DCHS1: variants seen among roughly 807,000 people sequenced by gnomAD.
The protein encoded by DCHS1 is dachsous cadherin-related 1.
Under a neutral mutation model 213.9 loss-of-function variants are expected in DCHS1, and 78 were observed. The ratio of observed to expected loss-of-function variants is 0.36; its 90% CI spans 0.30 to 0.44. The LOEUF is 0.44. Ranked by LOEUF, DCHS1 falls within the 20% of genes least tolerant of loss-of-function variation. The pLI, the probability that DCHS1 is intolerant of heterozygous loss-of-function variation, is 1.00. For synonymous variants in DCHS1, 1,828 were observed against 1,873.7 expected, an observed-to-expected ratio of 0.98 and a Z score of 0.63; for missense variants, 3,946 against 4,395.9, an observed-to-expected ratio of 0.90 and a Z score of 2.89.
At chr11:6,634,043 G>A in intron 3 of DCHS1, 23 bp from the exon 4 acceptor site, 1 of 1,611,018 alleles carries the variant, frequency 6.2e-7, no homozygotes, top group South Asian at 1.1e-5. Flanking sequence ...GCAGCCATAG[G>A]TCAGGTGGGC....
intron 1 of DCHS1, among the ~76,000 whole-genome samples, chr11:6,645,964 T>C (rs532629686): frequency 6.6e-6 from 1 of 152,096 alleles, no homozygotes; most frequent in African/African-American, 2.4e-5. Context: ...TTCACATATA[T>C]ACACAGAAGC....
chr11:6,622,708 CCA>C lies in DCHS1; in HGVS notation c.8966_8967del (p.Leu2989ArgfsTer6). 6.3e-7 allele frequency: 1 copy of C among 1,592,182 alleles called. No homozygotes were observed. The highest frequency in any genetic ancestry group is 8.6e-7 in the Non-Finnish European group (1 of 1,169,514). ...APLASDSLQK[L>X]GREPPSPPPS... is the part of the protein sequence containing the mutation. ...GGTGGTGGACTAGGTGGCTCCCGGC[CCA>C]GTTTCTGCAGTGAGTCACTGGCTAG... is the stretch of plus-strand genomic sequence containing the variant. On this transcript the variant is annotated frameshift_variant, in exon 21 of 21. Transcript: ENST00000299441. LOFTEE classifies it high-confidence loss of function. The surrounding 1 kb of genome is among the most constrained non-coding windows in gnomAD (Gnocchi z 5.4).
In DCHS1 at chr11:6,622,962, C is replaced by T. The variant is rs201373840; in HGVS notation, c.8714G>A (p.Arg2905Gln). Residue 2905 changes from arginine (R) to glutamine (Q), a missense_variant, in exon 21 of 21, where the codon CGG (arginine) becomes CAG (glutamine). This residue lies in a region of DCHS1 where 554 missense variants were observed against 590.2 expected (regional missense o/e 0.94). Transcript: ENST00000299441. The surrounding 1 kb of genome is among the most constrained non-coding windows in gnomAD (Gnocchi z 5.4). ...PRELRLEVIA[R>Q]GPLPGSRSAT... ...ACTCCGGGAACCAGGCAGAGGCCCC[C>T]GTGCTATCACCTCCAGCCTCAGCTC... 68 of 1,576,156 alleles carry T rather than the reference C, an allele frequency of 4.3e-5. No homozygotes were observed. Among genetic ancestry groups the T allele is most frequent in the Non-Finnish European group, 4.8e-5 (56 of 1,161,376 alleles).
intron 2 of DCHS1, 107 bp from the exon 3 acceptor site, chr11:6,634,413 A>G: frequency 7.7e-7 from 1 of 1,296,088 alleles, no homozygotes; most frequent in South Asian, 1.6e-5. Flanking sequence ...GATGGCGGAC[A>G]CACAGAGAGG....
chr11:6,621,510 G>A lies in DCHS1; in HGVS notation c.*269C>T, dbSNP rs894603196. The A allele has an allele frequency of 6.5e-5, 39 of 597,592 alleles. No individual in the cohort carries two copies. The African/African-American group carries it at 6.9e-4, about 11-fold the overall frequency. 37.0% of individuals were successfully genotyped at this position (597,592 alleles called of 1,614,324 possible). On this transcript the variant is annotated 3_prime_UTR_variant, in exon 21 of 21. Coordinates refer to ENST00000299441, the MANE Select transcript of DCHS1 (RefSeq NM_003737.4). Reference sequence around the variant, plus strand: ...GCTCCATCTCAGGGTGCTGGTGCAGGGCAGGGATCCCTCACTGAGGAGAAC... The same window carrying A: ...GCTCCATCTCAGGGTGCTGGTGCAGAGCAGGGATCCCTCACTGAGGAGAAC...
chr11:6,654,259 G>C (rs1488715355), intron 1 of DCHS1, among the ~76,000 whole-genome samples: 1 of 152,138 alleles, frequency 6.6e-6, no homozygotes, highest in East Asian at 1.9e-4. Flanking sequence ...GTGTGGTAAG[G>C]GCAACTGTGG....
chr11:6,631,730 C>A lies in DCHS1; in HGVS notation c.3561G>T (p.Gly1187=). 6.2e-7 allele frequency: 1 copy of A among 1,608,954 alleles called. No individual in the cohort carries two copies. The highest frequency in any genetic ancestry group is 8.5e-7 in the Non-Finnish European group (1 of 1,177,424). The change falls in exon 7 of 21, where the codon GGG becomes GGT. Residue 1187 remains glycine, a synonymous_variant. Transcript: ENST00000299441. ...YQLLVQVQDG[G]SPPRSTTGTV... is the part of the protein sequence containing the mutation. The stretch of plus-strand genomic sequence containing the variant: ...TGCCTGTGGTGCTGCGGGGTGGGCT[C>A]CCTCCATCCTGCACCTGCACCAGGA...
rs930350686 is a variant in DCHS1 at position 6,623,543 on chromosome 11, G to A, written c.8133C>T (p.Leu2711=). ...GCTGATTCTCGGCCACGCTGGTGCT[G>A]AGTAAGTTCAGTGGGAAGGCTGGGC... ...DHGPAFPLNL[L]STSVAENQPP... The change falls in exon 21 of 21, where the codon CTC becomes CTT. Residue 2711 remains leucine (L), a synonymous_variant. Transcript: ENST00000299441. 9.3e-6 allele frequency: 15 copies of A among 1,611,888 alleles called. No homozygotes were observed. Among genetic ancestry groups the A allele is most frequent in the Middle Eastern group, 1.6e-4 (1 of 6,080 alleles).
Position 6,623,151 on chromosome 11 carries a change from C to A in DCHS1, c.8525G>T (p.Gly2842Val). The A allele has an allele frequency of 6.2e-7, 1 of 1,608,814 alleles. No homozygotes were observed. Among genetic ancestry groups the A allele is most frequent in the East Asian group, 2.2e-5 (1 of 44,692 alleles). Residue 2842 changes from glycine (G) to valine (V), a missense_variant, in exon 21 of 21, where the codon GGG (glycine) becomes GTG (valine). By Grantham distance (109) the Gly-to-Val change is moderately radical. Coordinates refer to ENST00000299441, the MANE Select transcript of DCHS1 (RefSeq NM_003737.4). Reference sequence around the variant, plus strand: ...ATACAGAACCAGGCCATCGGCACCCCCATCCTCATCTGTGGCCTGCACGTG... The same window carrying A: ...ATACAGAACCAGGCCATCGGCACCCACATCCTCATCTGTGGCCTGCACGTG... ...LGHVQATDEDGGADGLVLYSL... is the reference protein window; with the variant it reads ...LGHVQATDEDVGADGLVLYSL...
intron 1 of DCHS1, among the ~76,000 whole-genome samples, chr11:6,646,632 C>T (rs1344698512): frequency 6.6e-6 from 1 of 152,188 alleles, no homozygotes; most frequent in Non-Finnish European, 1.5e-5. Context: ...CATGGCTCTT[C>T]TCCCACCTGA....
chr11:6,641,871 AC>A lies in DCHS1; in HGVS notation c.-120-139del, dbSNP rs1856081792. 2 of 718,596 alleles carry A rather than the reference AC, an allele frequency of 2.8e-6. No individual in the cohort carries two copies. Among genetic ancestry groups the A allele is most frequent in the Admixed American group, 3.2e-5 (1 of 30,792 alleles). 44.5% of individuals were successfully genotyped at this position (718,596 alleles called of 1,614,324 possible). A position where few individuals can be genotyped will look rare whatever the true frequency, so the allele number is the denominator to read the frequency against. ...TGCTGCCTCACACTCATCTTGGGCCACACGGATCTCTGCCTCAGGACTCTTC... is the reference window on the plus strand; with the variant it reads ...TGCTGCCTCACACTCATCTTGGGCCAACGGATCTCTGCCTCAGGACTCTTC... On this transcript the variant is annotated intron_variant, in intron 1 of 20. Coordinates refer to ENST00000299441, the MANE Select transcript of DCHS1 (RefSeq NM_003737.4). This position sits in a 1 kb window ranked among gnomAD's most constrained non-coding sequence, Gnocchi z 7.1.
intron 20 of DCHS1, 29 bp downstream of exon 20, chr11:6,624,701 G>T: frequency 6.2e-7 from 1 of 1,613,584 alleles, no homozygotes; most frequent in Non-Finnish European, 8.5e-7. Flanking sequence ...ACAGTCAAAG[G>T]CAAGGGGCAG....
Position 6,630,529 on chromosome 11 carries a change from A to G in DCHS1, c.4265T>C (p.Val1422Ala), listed in dbSNP as rs1232613489. ...PGGAGARLLR[V>A]QVQVQDENEH... ...ATTCTCGTCCTGCACTTGCACCTGC[A>G]CTCGCAGCAGCCGCGCGCCCGCGCC... Residue 1422 changes from valine (V) to alanine (A), a missense_variant, in exon 10 of 21, where the codon GTG becomes GCG. Transcript: ENST00000299441. 5 of 1,535,254 alleles carry G rather than the reference A, an allele frequency of 3.3e-6. No individual in the cohort carries two copies. The highest frequency in any genetic ancestry group is 2.8e-5 in the African/African-American group (2 of 71,534).
Position 6,622,804 on chromosome 11 carries a change from G to T in DCHS1, c.8872C>A (p.Leu2958Ile). ...VVVLALAALVLGLVRARSRKA... is the reference protein window; with the variant it reads ...VVVLALAALVIGLVRARSRKA... ...CGGCTACGGGCCCGAACAAGTCCTA[G>T]GACCAGGGCTGCCAGTGCAAGCACC... is the stretch of plus-strand genomic sequence containing the variant. Residue 2958 changes from leucine (L) to isoleucine (I), a missense_variant, in exon 21 of 21, where the codon CTA becomes ATA. This residue lies in a region of DCHS1 where 554 missense variants were observed against 590.2 expected (regional missense o/e 0.94). Coordinates refer to ENST00000299441, the MANE Select transcript of DCHS1 (RefSeq NM_003737.4). The surrounding 1 kb of genome is among the most constrained non-coding windows in gnomAD (Gnocchi z 5.4). The T allele has an allele frequency of 6.3e-7, 1 of 1,593,696 alleles. No homozygotes were observed. Among genetic ancestry groups the T allele is most frequent in the Non-Finnish European group, 8.5e-7 (1 of 1,170,450 alleles).
At chr11:6,637,919 C>A (rs1564867864) in intron 2 of DCHS1, among the ~76,000 whole-genome samples, 1 of 152,102 alleles carries the variant, frequency 6.6e-6, no homozygotes, top group Admixed American at 6.5e-5. Context: ...AACATTAAGA[C>A]TTCTTGTGAC....
Position 6,622,743 on chromosome 11 carries a change from G to A in DCHS1, c.8933C>T (p.Ala2978Val), listed in dbSNP as rs2134608287. 6.3e-7 allele frequency: 1 copy of A among 1,591,366 alleles called. No homozygotes were observed. The highest frequency in any genetic ancestry group is 8.6e-7 in the Non-Finnish European group (1 of 1,169,310). ...CAGTGAGTCACTGGCTAGGGGTGCT[G>A]CCTGTGACATTGGGCCAGGGGCTGC... ...AEAAPGPMSQ[A>V]APLASDSLQK... The change falls in exon 21 of 21, where the codon GCA (alanine) becomes GTA (valine). Residue 2978 changes from alanine (A) to valine (V), a missense_variant. Transcript: ENST00000299441. This position sits in a 1 kb window ranked among gnomAD's most constrained non-coding sequence, Gnocchi z 5.4.
Position 6,625,649 on chromosome 11 carries a change from G to A in DCHS1, c.6810C>T (p.Thr2270=). 2 of 1,613,500 alleles carry A rather than the reference G, an allele frequency of 1.2e-6. No homozygotes were observed. Among genetic ancestry groups the A allele is most frequent in the South Asian group, 1.1e-5 (1 of 91,052 alleles). ...GGGGGATGGTGGGGCGATTGTCATTGGTGTCGATGACCATCACCGTCAAGG... is the reference window on the plus strand; with the variant it reads ...GGGGGATGGTGGGGCGATTGTCATTAGTGTCGATGACCATCACCGTCAAGG... ...SATLTVMVID[T]NDNRPTIPQP... Residue 2270 remains threonine, a synonymous_variant, in exon 18 of 21, where the codon ACC becomes ACT. Coordinates refer to ENST00000299441, the MANE Select transcript of DCHS1 (RefSeq NM_003737.4). This position sits in a 1 kb window ranked among gnomAD's most constrained non-coding sequence, Gnocchi z 5.3.
chr11:6,640,215 C>T lies in DCHS1; in HGVS notation c.1399G>A (p.Asp467Asn), dbSNP rs1328622821. ...TGGCGGTCAAAGGCAGGTGCATTGT[C>T]GTTGACATCAGTGACGTGCAGCACA... is the stretch of plus-strand genomic sequence containing the variant. ...AFVLHVTDVN[D>N]NAPAFDRQLY... is the part of the protein sequence containing the mutation. Residue 467 changes from aspartate (D) to asparagine (N), a missense_variant, in exon 2 of 21, where the codon GAC becomes AAC. Physicochemically the swap from Asp to Asn is conservative, Grantham distance 23. Transcript: ENST00000299441. The surrounding 1 kb of genome is among the most constrained non-coding windows in gnomAD (Gnocchi z 6.5). 7 of 1,613,158 alleles carry T rather than the reference C, an allele frequency of 4.3e-6. No individual in the cohort carries two copies. The highest frequency in any genetic ancestry group is 3.3e-5 in the South Asian group (3 of 90,856).
intron 5 of DCHS1, 125 bp from the exon 6 acceptor site, chr11:6,633,181 A>AG (rs1855939268): frequency 1.6e-6 from 2 of 1,257,080 alleles, no homozygotes; most frequent in East Asian, 5.0e-5. Flanking sequence ...TATTAGGAGG[A>AG]GGGGCAGGGG....
Sources: allele counts gnomAD v4.1 joint callset (sites outside exome capture counted in the v4.1 genomes callset), GRCh38; gene constraint gnomAD v4.1.1; regional missense constraint gnomAD v4.1.1; non-coding constraint Gnocchi (gnomAD v3.1); transcripts MANE v1.5; gene names NCBI Gene and HGNC (gene_info 2026-07-23, HGNC 2026-07-21).